ZFHX3: variants seen among roughly 807,000 people sequenced by gnomAD.
The protein encoded by ZFHX3 is zinc finger homeobox protein 3.
Under a neutral mutation model 279.1 loss-of-function variants are expected in ZFHX3, and 42 were observed. That is an observed-to-expected ratio of 0.15 (90% CI 0.12 to 0.19). ZFHX3 has a LOEUF of 0.19. Among genes scored for constraint, ZFHX3 ranks in the 10% least tolerant of loss-of-function variants. ZFHX3 has a pLI of 1.00. For synonymous variants in ZFHX3, 2,293 were observed against 1,957.8 expected (o/e 1.17, Z -4.52); for missense variants, 4,981 against 4,754.0 (o/e 1.05, Z -1.40).
chr16:73,651,708 A>T (rs1222553365), intron 2 of ZFHX3, among the ~76,000 whole-genome samples: 9 of 81,878 alleles, frequency 1.1e-4, no homozygotes, highest in South Asian at 4.5e-4. Flanking sequence ...AAAAAAAAAA[A>T]GCCGGGCGTG....
intron 3 of ZFHX3, among the ~76,000 whole-genome samples, chr16:73,447,771 T>C (rs187031018): frequency 4.0e-4 from 61 of 152,238 alleles, no homozygotes; most frequent in Middle Eastern, 3.4e-3. Flanking sequence ...AGTACAGAGG[T>C]CTACACGGAG....
At position 73,641,114 on chromosome 16, in the gene ZFHX3, G is replaced by A. The variant is rs528869007; in HGVS notation, c.-1547+39066C>T. On this transcript the variant is annotated intron_variant, in intron 2 of 17. Transcript: ENST00000641206. ...CACAGTATCGACCTAGTTTGGGGTT[G>A]GAATAAAGATATTTTTAGACAGTTA... 2.0e-5 allele frequency among the ~76,000 whole-genome samples: 3 copies of A among 152,202 alleles called. No individual in the cohort carries two copies. In the East Asian group the frequency reaches 5.8e-4, roughly 29 times the overall value.
At chr16:73,125,872 C>A (rs760524227) in intron 7 of ZFHX3, among the ~76,000 whole-genome samples, 2 of 151,972 alleles carry the variant, frequency 1.3e-5, no homozygotes, top group Non-Finnish European at 2.9e-5. Context: ...CTCTAGAGAA[C>A]CCTAATACCG....
intron 1 of ZFHX3, among the ~76,000 whole-genome samples, chr16:73,749,409 G>T (rs1235876505): frequency 6.6e-6 from 1 of 151,884 alleles, no homozygotes; most frequent in Non-Finnish European, 1.5e-5. Flanking sequence ...CTCATCTCTG[G>T]AACTATTATA....
At chr16:73,055,879 GAAC>G (rs1965546516) in intron 1 of ZFHX3, among the ~76,000 whole-genome samples, 1 of 134,970 alleles carries the variant, frequency 7.4e-6, no homozygotes, top group African/African-American at 2.7e-5. Context: ...CACACGCAGA[GAAC>G]ACCACTCCTC....
intron 1 of ZFHX3, among the ~76,000 whole-genome samples, chr16:73,010,480 A>T (rs556502347): frequency 6.6e-6 from 1 of 152,358 alleles, no homozygotes; most frequent in Admixed American, 6.5e-5. Flanking sequence ...AGCAGTAATT[A>T]ATAGTATAAT....
At chr16:73,309,883 C>A (rs1461030696) in intron 4 of ZFHX3, among the ~76,000 whole-genome samples, 1 of 139,260 alleles carries the variant, frequency 7.2e-6, no homozygotes, top group Non-Finnish European at 1.6e-5. Flanking sequence ...CATAAACATG[C>A]TTTGGGACTC....
At chr16:73,603,042 T>G (rs1287782469) in intron 2 of ZFHX3, among the ~76,000 whole-genome samples, 2 of 151,576 alleles carry the variant, frequency 1.3e-5, no homozygotes, top group Non-Finnish European at 2.9e-5. Flanking sequence ...TCCCAGCACT[T>G]TGGGAGGCCG....
intron 1 of ZFHX3, among the ~76,000 whole-genome samples, chr16:73,692,504 G>T (rs1056719679): frequency 6.6e-6 from 1 of 152,194 alleles, no homozygotes; most frequent in Admixed American, 6.5e-5. Context: ...ATTAAAGGAG[G>T]TAACTATTTT....
chr16:73,211,546 G>C (rs993173703), intron 5 of ZFHX3, among the ~76,000 whole-genome samples: 2 of 152,072 alleles, frequency 1.3e-5, no homozygotes, highest in Non-Finnish European at 2.9e-5. Flanking sequence ...ACTAATGAAG[G>C]CATCCTGCTA....
chr16:72,945,790 G>C, intron 3 of ZFHX3, among the ~76,000 whole-genome samples: 1 of 152,074 alleles, frequency 6.6e-6, no homozygotes, highest in Non-Finnish European at 1.5e-5. Context: ...GGGAAGGCAG[G>C]ACGGGAGGGA....
intron 3 of ZFHX3, among the ~76,000 whole-genome samples, chr16:72,942,476 A>G (rs1345422348): frequency 6.6e-6 from 1 of 152,202 alleles, no homozygotes; most frequent in Non-Finnish European, 1.5e-5. Context: ...AAGAAGGTCC[A>G]GGGCTTTCTA....
At chr16:73,277,038 C>T (rs1240619132) in intron 4 of ZFHX3, among the ~76,000 whole-genome samples, 2 of 152,182 alleles carry the variant, frequency 1.3e-5, no homozygotes, top group Non-Finnish European at 1.5e-5. Context: ...TTACATAATG[C>T]ATTTTTGGGT....
intron 3 of ZFHX3, among the ~76,000 whole-genome samples, chr16:73,333,381 GATAC>G (rs1295467616): frequency 6.6e-6 from 1 of 151,928 alleles, no homozygotes; most frequent in East Asian, 1.9e-4. Flanking sequence ...TAGACAGAAA[GATAC>G]ATACATACAT....
intron 1 of ZFHX3, among the ~76,000 whole-genome samples, chr16:72,961,951 T>C (rs1261481706): frequency 6.6e-6 from 1 of 152,078 alleles, no homozygotes; most frequent in African/African-American, 2.4e-5. Flanking sequence ...GCAATGGGAC[T>C]TCCTCGCAAG....
At chr16:73,726,747 G>A (rs2053522232) in intron 1 of ZFHX3, among the ~76,000 whole-genome samples, 2 of 152,132 alleles carry the variant, frequency 1.3e-5, no homozygotes, top group South Asian at 4.1e-4. Flanking sequence ...CAGATCTTGT[G>A]GGAAATCACC....
At chr16:73,215,739 T>C (rs1255073025) in intron 5 of ZFHX3, among the ~76,000 whole-genome samples, 1 of 152,242 alleles carries the variant, frequency 6.6e-6, no homozygotes, top group African/African-American at 2.4e-5. Context: ...ATAAGAATTA[T>C]TCATTACACA....
At chr16:73,130,154 T>C (rs576527572) in intron 7 of ZFHX3, among the ~76,000 whole-genome samples, 1 of 152,190 alleles carries the variant, frequency 6.6e-6, no homozygotes, top group East Asian at 1.9e-4. Context: ...CCCAGAAATG[T>C]GTCTTATGGA....
chr16:72,906,376 T>C (rs1944910389), intron 3 of ZFHX3, among the ~76,000 whole-genome samples: 1 of 151,560 alleles, frequency 6.6e-6, no homozygotes, highest in Admixed American at 6.6e-5. Flanking sequence ...ATGATCGCAC[T>C]GGGGGGGCAT....
Sources: allele counts gnomAD v4.1 joint callset (sites outside exome capture counted in the v4.1 genomes callset), GRCh38; gene constraint gnomAD v4.1.1; transcripts MANE v1.5; gene names NCBI Gene and HGNC (gene_info 2026-07-23, HGNC 2026-07-21).